Variants in SLTM observed in about 807,000 individuals in gnomAD.
The protein encoded by SLTM is SAFB like transcription modulator.
A neutral mutation model predicts 134.6 loss-of-function variants in SLTM; 43 were observed. That is an observed-to-expected ratio of 0.32 (90% CI 0.25 to 0.41). The LOEUF (loss-of-function observed/expected upper bound fraction) is 0.41. Among genes scored for constraint, SLTM ranks in the 10% least tolerant of loss-of-function variants. SLTM has a pLI of 1.00. For missense variants in SLTM, 1,055 were observed against 1,288.8 expected, an observed-to-expected ratio of 0.82 and a Z score of 2.78; for synonymous variants, 424 against 432.3, an observed-to-expected ratio of 0.98 and a Z score of 0.24.
intron 2 of SLTM, among the ~76,000 whole-genome samples, chr15:58,924,591 A>G (rs137877723): frequency 1.2e-3 from 179 of 152,338 alleles, no homozygotes; most frequent in African/African-American, 4.2e-3. Context: ...ACTATAAATA[A>G]CTTTTGCCAC....
Position 58,899,065 on chromosome 15 carries a change from T to G in SLTM, c.1059-213A>C. 1 of 492,064 alleles carries G rather than the reference T, an allele frequency of 2.0e-6. No homozygotes were observed. The highest frequency in any genetic ancestry group is 3.6e-6 in the Non-Finnish European group (1 of 280,324). The allele number at this position is 492,064 out of a possible 1,614,324, so 30.5% of individuals were successfully genotyped here. A position where few individuals can be genotyped will look rare whatever the true frequency, so the allele number is the denominator to read the frequency against. ...CCTGAAGATCTAGATTTTCTGACAATTCTATTCAGTGGAAATATGGCCATC... is the reference window on the plus strand; with the variant it reads ...CCTGAAGATCTAGATTTTCTGACAAGTCTATTCAGTGGAAATATGGCCATC... On this transcript the variant is annotated intron_variant, in intron 7 of 20. Transcript: ENST00000380516. This position sits in a 1 kb window ranked among gnomAD's most constrained non-coding sequence, Gnocchi z 5.0.
At chr15:58,894,678 T>C in intron 9 of SLTM, 96 bp from the exon 10 acceptor site, 1 of 1,173,110 alleles carries the variant, frequency 8.5e-7, no homozygotes, top group Non-Finnish European at 1.2e-6. Context: ...TATATATTAA[T>C]TCAGGGTGTA....
chr15:58,882,244 G>A (rs962357812), intron 20 of SLTM, among the ~76,000 whole-genome samples: 1 of 148,590 alleles, frequency 6.7e-6, no homozygotes, highest in African/African-American at 2.5e-5. Context: ...GACAAGCCCC[G>A]TATTTCCAGT....
chr15:58,907,645 A>G (rs1280205751), intron 5 of SLTM, among the ~76,000 whole-genome samples: 7 of 152,082 alleles, frequency 4.6e-5, no homozygotes, highest in African/African-American at 1.7e-4. Flanking sequence ...CAACAAAATT[A>G]AAGTATTAGC....
Position 58,893,974 on chromosome 15 carries a change from C to A in SLTM, c.1495G>T (p.Val499Phe). Reference sequence around the variant, plus strand: ...GACGATCTTTTCTCTTCTTTTTTGACAGAGGCTTGTGTCCTGACCATACCG... The same window carrying A: ...GACGATCTTTTCTCTTCTTTTTTGAAAGAGGCTTGTGTCCTGACCATACCG... ...SDRSSKTQAS[V>F]KKEEKRSSEK... The change falls in exon 12 of 21, where the codon GTC (valine) becomes TTC (phenylalanine). Residue 499 changes from valine (V) to phenylalanine (F), a missense_variant. Physicochemically the swap from Val to Phe is conservative, Grantham distance 50. Transcript: ENST00000380516. 1 of 1,610,838 alleles carries A rather than the reference C, an allele frequency of 6.2e-7. No homozygotes were observed. The highest frequency in any genetic ancestry group is 8.5e-7 in the Non-Finnish European group (1 of 1,179,328).
rs746175317 is a variant in SLTM, at chr15:58,883,786, G to A, written c.2836C>T (p.His946Tyr). 5 of 1,613,664 alleles carry A rather than the reference G, an allele frequency of 3.1e-6. No individual in the cohort carries two copies. Among genetic ancestry groups the A allele is most frequent in the Non-Finnish European group, 3.4e-6 (4 of 1,179,830 alleles). Residue 946 changes from histidine (H) to tyrosine (Y), a missense_variant and splice_region_variant, in exon 20 of 21, where the codon CAC becomes TAC. Around this residue, in one of 3 missense-constraint regions of SLTM, gnomAD observed 776 missense variants for 962.2 expected, o/e 0.81. Transcript: ENST00000380516. Reference protein sequence around the residue: ...VITDRGGGSQHYPEERHVVER... With the variant: ...VITDRGGGSQYYPEERHVVER... ...ACCACATGTCGCTCCTCAGGATAGT[G>A]CTAAAAGAATAGCATATGAAAAGTC... is the stretch of plus-strand genomic sequence containing the variant.
chr15:58,922,670 T>C (rs1056143231), intron 2 of SLTM, among the ~76,000 whole-genome samples: 1 of 147,356 alleles, frequency 6.8e-6, no homozygotes, highest in Non-Finnish European at 1.5e-5. Context: ...AAAAAATATA[T>C]AAAATATATA....
chr15:58,898,551 C>A, intron 8 of SLTM: 1 of 376,334 alleles, frequency 2.7e-6, no homozygotes, highest in African/African-American at 2.2e-5. Flanking sequence ...TTAGAACACA[C>A]CAGGTAAGTG....
At chr15:58,886,306 G>C (rs1455594014) in intron 19 of SLTM, among the ~76,000 whole-genome samples, 3 of 146,154 alleles carry the variant, frequency 2.1e-5, no homozygotes, top group African/African-American at 7.6e-5. Flanking sequence ...TGGCTCTGTA[G>C]CCCAGGCTGG....
chr15:58,902,589 G>T (rs2035562740), intron 5 of SLTM, among the ~76,000 whole-genome samples: 1 of 151,414 alleles, frequency 6.6e-6, no homozygotes, highest in South Asian at 2.1e-4. Flanking sequence ...ACGAGGTCTT[G>T]CTATGTTGCC....
At chr15:58,882,340 G>T (rs7179456) in intron 20 of SLTM, among the ~76,000 whole-genome samples, 74,901 of 151,828 alleles carry the variant, frequency 0.49, 21,340 homozygotes, top group Middle Eastern at 0.7. Context: ...AAAAAGGAGA[G>T]GAATGAGTTT....
chr15:58,882,184 A>AAAAAAAAAAAAAC (rs1411161089), intron 20 of SLTM, among the ~76,000 whole-genome samples: 3 of 148,314 alleles, frequency 2.0e-5, no homozygotes, highest in Admixed American at 1.3e-4. Context: ...TCTGTCTCAA[A>AAAAAAAAAAAAAC]AAAAAAAAAC....
chr15:58,881,083 C>G (rs1567094932), intron 20 of SLTM, among the ~76,000 whole-genome samples: 1 of 151,924 alleles, frequency 6.6e-6, no homozygotes. Context: ...CTTTGGGAGG[C>G]CGAGGCGGGC....
At chr15:58,883,510 A>G (rs2033911839) in intron 20 of SLTM, 116 bp downstream of exon 20, 1 of 1,338,942 alleles carries the variant, frequency 7.5e-7, no homozygotes, top group Non-Finnish European at 1.0e-6. Flanking sequence ...GGAAATGTTC[A>G]GGCAGATCTA....
intron 2 of SLTM, among the ~76,000 whole-genome samples, chr15:58,928,244 G>C (rs1198141493): frequency 6.6e-6 from 1 of 152,168 alleles, no homozygotes; most frequent in African/African-American, 2.4e-5. Flanking sequence ...GGATATGCCA[G>C]CATCAGGTAA....
intron 20 of SLTM, among the ~76,000 whole-genome samples, chr15:58,880,346 T>A (rs1417407341): frequency 6.6e-6 from 1 of 152,120 alleles, no homozygotes; most frequent in African/African-American, 2.4e-5. Context: ...ACTTGGGCAA[T>A]CTCACTTTGA....
Position 58,884,384 on chromosome 15 carries a change from T to C in SLTM, c.2836-598A>G, listed in dbSNP as rs560241978. On this transcript the variant is annotated intron_variant, in intron 19 of 20. Transcript: ENST00000380516. Reference sequence around the variant, plus strand: ...GCCAGGCTGGAATGCAGTGGCGCGATCTCGGCTCACTGCAACCTCCGCCCC... The same window carrying C: ...GCCAGGCTGGAATGCAGTGGCGCGACCTCGGCTCACTGCAACCTCCGCCCC... 2.0e-5 allele frequency among the ~76,000 whole-genome samples: 3 copies of C among 152,164 alleles called. No homozygotes were observed. In the South Asian group the frequency reaches 6.3e-4, roughly 32 times the overall value.
At chr15:58,920,276 G>A (rs1248901173) in intron 2 of SLTM, among the ~76,000 whole-genome samples, 1 of 151,654 alleles carries the variant, frequency 6.6e-6, no homozygotes, top group Non-Finnish European at 1.5e-5. Context: ...AGCTGAGATC[G>A]CCCCACTGCA....
At chr15:58,891,529 T>C (rs1276506258) in intron 14 of SLTM, among the ~76,000 whole-genome samples, 1 of 152,108 alleles carries the variant, frequency 6.6e-6, no homozygotes, top group Non-Finnish European at 1.5e-5. Flanking sequence ...TTACCAAGAG[T>C]TGCTCACCAT....
Sources: allele counts gnomAD v4.1 joint callset (sites outside exome capture counted in the v4.1 genomes callset), GRCh38; gene constraint gnomAD v4.1.1; regional missense constraint gnomAD v4.1.1; non-coding constraint Gnocchi (gnomAD v3.1); transcripts MANE v1.5; gene names NCBI Gene and HGNC (gene_info 2026-07-23, HGNC 2026-07-21).